Variants in LUZP2 observed in about 807,000 individuals in gnomAD.
The protein encoded by LUZP2 is leucine zipper protein 2.
In LUZP2, 52 loss-of-function variants were observed where a neutral mutation model predicts 51.6. That is an observed-to-expected ratio of 1.01 (90% CI 0.81 to 1.27). The LOEUF is 1.27. Ranked by LOEUF, LUZP2 falls within the 50% of genes most tolerant of loss-of-function variation. The probability of loss-of-function intolerance (pLI) is 0.00; values close to 1 mark genes in which losing one functional copy is unlikely to be tolerated. For synonymous variants in LUZP2, 154 were observed against 137.3 expected, an observed-to-expected ratio of 1.12 and a Z score of -0.85; for missense variants, 436 against 395.4, an observed-to-expected ratio of 1.10 and a Z score of -0.87.
At chr11:24,659,477 G>A (rs1247677023) in intron 1 of LUZP2, among the ~76,000 whole-genome samples, 2 of 151,914 alleles carry the variant, frequency 1.3e-5, no homozygotes, top group Non-Finnish European at 2.9e-5. Context: ...GCTAAATGAC[G>A]AGTTAATGCG....
chr11:24,633,964 G>GTGTGTATATA lies in LUZP2; in HGVS notation c.63-95204_63-95203insGTGTATATAT, dbSNP rs141308575. Reference sequence around the variant, plus strand: ...CGTGTGTGTGTGTGTGTGTGTGTGTGTATATATAGTCTGTCTATTAAAGGA... The same window carrying GTGTGTATATA: ...CGTGTGTGTGTGTGTGTGTGTGTGTGTGTGTATATATATATATAGTCTGTCTATTAAAGGA... On this transcript the variant is annotated intron_variant, in intron 1 of 11. Coordinates refer to ENST00000336930, the MANE Select transcript of LUZP2 (RefSeq NM_001009909.4). Among the ~76,000 whole-genome samples the GTGTGTATATA allele has an allele frequency of 6.7e-3, 1,000 of 149,228 alleles. 9 individuals carry two copies. The highest frequency in any genetic ancestry group is 0.021 in the Middle Eastern group (6 of 290).
intron 1 of LUZP2, among the ~76,000 whole-genome samples, chr11:24,606,179 A>G (rs1395775267): frequency 6.6e-6 from 1 of 152,042 alleles, no homozygotes; most frequent in East Asian, 1.9e-4. Flanking sequence ...ACATACACAC[A>G]CACATAAAGA....
At chr11:24,526,147 G>GTTC (rs145923586) in intron 1 of LUZP2, among the ~76,000 whole-genome samples, 4 of 150,336 alleles carry the variant, frequency 2.7e-5, no homozygotes, top group African/African-American at 9.8e-5. Context: ...AAGTTTATCT[G>GTTC]TTTCTGTTTT....
chr11:24,954,713 G>C (rs1366665487), intron 7 of LUZP2, among the ~76,000 whole-genome samples: 1 of 151,910 alleles, frequency 6.6e-6, no homozygotes, highest in Non-Finnish European at 1.5e-5. Flanking sequence ...CAGCATTCAG[G>C]GAAGAGTAAC....
At chr11:24,800,158 T>A (rs1301382517) in intron 5 of LUZP2, among the ~76,000 whole-genome samples, 1 of 152,048 alleles carries the variant, frequency 6.6e-6, no homozygotes, top group Non-Finnish European at 1.5e-5. Context: ...CAAGAGAGAA[T>A]ATTTCACTTT....
At chr11:24,677,617 T>A (rs1856605235) in intron 1 of LUZP2, among the ~76,000 whole-genome samples, 1 of 152,252 alleles carries the variant, frequency 6.6e-6, no homozygotes, top group South Asian at 2.1e-4. Context: ...TCTATATCTA[T>A]CTTTTTCTCA....
intron 5 of LUZP2, among the ~76,000 whole-genome samples, chr11:24,783,197 A>G (rs1296473265): frequency 6.6e-6 from 1 of 152,126 alleles, no homozygotes; most frequent in Middle Eastern, 3.4e-3. Flanking sequence ...CAAGAAAATA[A>G]ACTTCTCTTT....
At chr11:24,551,428 G>A (rs1264962476) in intron 1 of LUZP2, among the ~76,000 whole-genome samples, 1 of 151,988 alleles carries the variant, frequency 6.6e-6, no homozygotes, top group Admixed American at 6.6e-5. Context: ...CAGCAGCAGG[G>A]GCTTGAGTGG....
At chr11:24,573,377 T>A (rs1852502832) in intron 1 of LUZP2, among the ~76,000 whole-genome samples, 1 of 152,024 alleles carries the variant, frequency 6.6e-6, no homozygotes, top group Non-Finnish European at 1.5e-5. Context: ...CTTTGCCCAT[T>A]TCTAAACTTT....
intron 9 of LUZP2, among the ~76,000 whole-genome samples, chr11:25,033,397 A>G (rs1406217311): frequency 6.7e-6 from 1 of 149,420 alleles, no homozygotes; most frequent in Non-Finnish European, 1.5e-5. Flanking sequence ...ATGCATAAAA[A>G]TAAACATGTT....
chr11:24,997,796 A>G (rs999778904), intron 9 of LUZP2, among the ~76,000 whole-genome samples: 24 of 152,142 alleles, frequency 1.6e-4, no homozygotes, highest in Non-Finnish European at 3.2e-4. Context: ...TAATTTTTGT[A>G]TAAGGTGTAA....
intron 5 of LUZP2, among the ~76,000 whole-genome samples, chr11:24,900,496 C>G (rs1045010009): frequency 3.3e-5 from 5 of 152,204 alleles, no homozygotes; most frequent in Non-Finnish European, 5.9e-5. Context: ...CCTGAAAATC[C>G]TGTGTACTCT....
chr11:24,592,850 T>C (rs191039765), intron 1 of LUZP2, among the ~76,000 whole-genome samples: 3 of 152,272 alleles, frequency 2.0e-5, no homozygotes, highest in African/African-American at 7.2e-5. Context: ...CAATGAAAAC[T>C]AAAATTACAA....
At chr11:24,753,277 A>C (rs1209135874) in intron 4 of LUZP2, among the ~76,000 whole-genome samples, 3 of 152,180 alleles carry the variant, frequency 2.0e-5, no homozygotes, top group Non-Finnish European at 4.4e-5. Flanking sequence ...GAGATGACTA[A>C]GGCGAGAAAT....
At position 24,926,201 on chromosome 11, in the gene LUZP2, A is replaced by G. The variant is rs886135580; in HGVS notation, c.522+11663A>G. On this transcript the variant is annotated intron_variant, in intron 7 of 11. Coordinates refer to ENST00000336930, the MANE Select transcript of LUZP2 (RefSeq NM_001009909.4). ...ATGTTATATATATGTGTATATATAT[A>G]TGTGTGTATATATATATATACGTGT... is the stretch of plus-strand genomic sequence containing the variant. 4.7e-5 allele frequency among the ~76,000 whole-genome samples: 7 copies of G among 148,684 alleles called. No individual in the cohort carries two copies. The East Asian group carries it at 7.8e-4, about 17-fold the overall frequency.
intron 2 of LUZP2, 129 bp from the exon 3 acceptor site, chr11:24,731,989 T>C: frequency 1.6e-6 from 1 of 636,116 alleles, no homozygotes; most frequent in Non-Finnish European, 2.7e-6. Flanking sequence ...GTGAGGACCA[T>C]CATAGACTCA....
At chr11:24,692,326 A>G (rs1275449726) in intron 1 of LUZP2, among the ~76,000 whole-genome samples, 1 of 152,080 alleles carries the variant, frequency 6.6e-6, no homozygotes, top group African/African-American at 2.4e-5. Context: ...ACGTTCCTGC[A>G]ACTTACTAAT....
At chr11:25,037,345 G>T (rs1857898047) in intron 9 of LUZP2, among the ~76,000 whole-genome samples, 1 of 152,122 alleles carries the variant, frequency 6.6e-6, no homozygotes, top group Non-Finnish European at 1.5e-5. Context: ...GCTTGTGAGT[G>T]TTGTTACACG....
intron 5 of LUZP2, among the ~76,000 whole-genome samples, chr11:24,793,651 T>C (rs113210292): frequency 1.4e-3 from 211 of 152,294 alleles, no homozygotes; most frequent in African/African-American, 4.1e-3. Flanking sequence ...AGGCGGCTTG[T>C]TAGTCATGAG....
Sources: allele counts gnomAD v4.1 joint callset (sites outside exome capture counted in the v4.1 genomes callset), GRCh38; gene constraint gnomAD v4.1.1; transcripts MANE v1.5; gene names NCBI Gene and HGNC (gene_info 2026-07-23, HGNC 2026-07-21).